ATXN2: variants seen among roughly 807,000 people sequenced by gnomAD.
The protein encoded by ATXN2 is ataxin 2.
Under a neutral mutation model 138.6 loss-of-function variants are expected in ATXN2, and 37 were observed. The observed-to-expected ratio is 0.27, with a 90% CI of 0.21 to 0.35. ATXN2 has a LOEUF of 0.35. Ranked by LOEUF, ATXN2 falls within the 10% of genes least tolerant of loss-of-function variation. The probability of loss-of-function intolerance (pLI) is 1.00; values close to 1 mark genes in which losing one functional copy is unlikely to be tolerated. For synonymous variants in ATXN2, 549 were observed against 543.7 expected (o/e 1.01, Z -0.13); for missense variants, 1,216 against 1,480.3 (o/e 0.82, Z 2.93).
At chr12:111,505,085 G>C (rs953365237) in intron 14 of ATXN2, among the ~76,000 whole-genome samples, 3 of 152,128 alleles carry the variant, frequency 2.0e-5, no homozygotes, top group African/African-American at 7.2e-5. Context: ...GTTATTAATA[G>C]CAAGGTGTGG....
chr12:111,510,026 C>A (rs1381230469), intron 12 of ATXN2, 28 bp from the exon 13 acceptor site: 2 of 1,492,236 alleles, frequency 1.3e-6, no homozygotes, highest in Non-Finnish European at 1.8e-6. Context: ...AAAAAAAATT[C>A]AGATAAGTTA....
At chr12:111,455,320 G>GC in intron 23 of ATXN2, 1 of 541,692 alleles carries the variant, frequency 1.8e-6, no homozygotes, top group Non-Finnish European at 3.3e-6. Flanking sequence ...GCCCTGGAGT[G>GC]CAGGGACCTT....
intron 1 of ATXN2, among the ~76,000 whole-genome samples, chr12:111,580,109 T>C (rs1223466498): frequency 6.6e-6 from 1 of 152,006 alleles, no homozygotes; most frequent in Non-Finnish European, 1.5e-5. Flanking sequence ...CCATCACACC[T>C]AGCCATTTTG....
At chr12:111,597,232 C>A (rs1884981951) in intron 1 of ATXN2, among the ~76,000 whole-genome samples, 1 of 152,314 alleles carries the variant, frequency 6.6e-6, no homozygotes, top group African/African-American at 2.4e-5. Flanking sequence ...CCTTAAAAAC[C>A]AGCTGATTCC....
rs766312283 is a variant in ATXN2 at position 111,552,472 on chromosome 12, A to C, written c.421-42T>G. Reference sequence around the variant, plus strand: ...AAGTAAGTACTCCAAACCTTTACAAAATAAAATTTGTTAGGAATTCTTTAG... The same window carrying C: ...AAGTAAGTACTCCAAACCTTTACAACATAAAATTTGTTAGGAATTCTTTAG... On this transcript the variant is annotated intron_variant, in intron 4 of 24. Coordinates refer to ENST00000673436, the MANE Select transcript of ATXN2 (RefSeq NM_001372574.1). This position sits in a 1 kb window ranked among gnomAD's most constrained non-coding sequence, Gnocchi z 4.1. The C allele has an allele frequency of 2.6e-5, 40 of 1,559,224 alleles. No homozygotes were observed. The African/African-American group carries it at 4.6e-4, about 18-fold the overall frequency.
intron 1 of ATXN2, among the ~76,000 whole-genome samples, chr12:111,589,739 C>A (rs751258496): frequency 2.0e-5 from 3 of 151,778 alleles, no homozygotes; most frequent in Non-Finnish European, 4.4e-5. Context: ...GCCACTGCAC[C>A]CCACCCTAGG....
intron 11 of ATXN2, chr12:111,511,586 C>T (rs1879522083): frequency 6.6e-6 from 1 of 152,114 alleles, no homozygotes; most frequent in African/African-American, 2.4e-5. Context: ...CTGCCTCAGC[C>T]TCCTGAGCAG....
chr12:111,453,442 C>G lies in ATXN2; in HGVS notation c.3439+235G>C, dbSNP rs1488785747. On this transcript the variant is annotated intron_variant, in intron 24 of 24. Coordinates refer to ENST00000673436, the MANE Select transcript of ATXN2 (RefSeq NM_001372574.1). The surrounding 1 kb of genome is among the most constrained non-coding windows in gnomAD (Gnocchi z 5.4). Reference sequence around the variant, plus strand: ...CATCAGGCTGCTGTTGCTGCTGCTGCTGCTTCTCATCAAGCCAAATCCTGT... The same window carrying G: ...CATCAGGCTGCTGTTGCTGCTGCTGGTGCTTCTCATCAAGCCAAATCCTGT... The G allele has an allele frequency of 1.6e-6, 2 of 1,257,118 alleles. No homozygotes were observed. Among genetic ancestry groups the G allele is most frequent in the Non-Finnish European group, 2.0e-6 (2 of 1,001,494 alleles). The allele number at this position is 1,257,118 out of a possible 1,614,324, so 77.9% of individuals were successfully genotyped here. A position where few individuals can be genotyped will look rare whatever the true frequency, so the allele number is the denominator to read the frequency against.
chr12:111,469,417 C>CT (rs1876250251), intron 20 of ATXN2: 1 of 146,614 alleles, frequency 6.8e-6, no homozygotes, highest in South Asian at 2.2e-4. Flanking sequence ...TATTTTGGTA[C>CT]TTTAGACAGC....
At chr12:111,549,474 T>C (rs1408172898) in intron 5 of ATXN2, among the ~76,000 whole-genome samples, 1 of 151,266 alleles carries the variant, frequency 6.6e-6, no homozygotes, top group Non-Finnish European at 1.5e-5. Flanking sequence ...AGGCAGAGGT[T>C]GCAGTGAGCC....
intron 1 of ATXN2, among the ~76,000 whole-genome samples, chr12:111,589,076 A>T (rs1884511770): frequency 7.1e-6 from 1 of 141,466 alleles, no homozygotes; most frequent in Non-Finnish European, 1.5e-5. Flanking sequence ...GCACTTTGGG[A>T]GGACGAGGCG....
chr12:111,543,337 C>T (rs974285108), intron 5 of ATXN2, among the ~76,000 whole-genome samples: 1 of 152,220 alleles, frequency 6.6e-6, no homozygotes, highest in Admixed American at 6.5e-5. Flanking sequence ...CACAACAGCA[C>T]ACCAGAATAA....
rs1457678868 is a variant in ATXN2, at chr12:111,509,960, G to T, written c.1795C>A (p.Pro599Thr). 6.2e-7 allele frequency: 1 copy of T among 1,612,708 alleles called. No individual in the cohort carries two copies. The highest frequency in any genetic ancestry group is 1.3e-5 in the African/African-American group (1 of 74,876). ...TTAATATTTTCTTTATTCCCTGCAGGAGAGTTCTGCCTCTGATCTTGAAGC... is the reference window on the plus strand; with the variant it reads ...TTAATATTTTCTTTATTCCCTGCAGTAGAGTTCTGCCTCTGATCTTGAAGC... Reference protein sequence around the residue: ...SRLQDQRQNSPAGNKENIKPN... With the variant: ...SRLQDQRQNSTAGNKENIKPN... Residue 599 changes from proline (P) to threonine (T), a missense_variant, in exon 13 of 25, where the codon CCT becomes ACT. Physicochemically the swap from Pro to Thr is conservative, Grantham distance 38 (BLOSUM62 -1). Around this residue, in one of 4 missense-constraint regions of ATXN2, gnomAD observed 215 missense variants for 210.0 expected, o/e 1.02. Transcript: ENST00000673436.
chr12:111,528,688 AAT>A (rs1880641285), intron 5 of ATXN2, among the ~76,000 whole-genome samples: 2 of 152,332 alleles, frequency 1.3e-5, no homozygotes, highest in South Asian at 4.1e-4. Flanking sequence ...TTGGTTTTAA[AAT>A]TTCACCAAAA....
At position 111,509,529 on chromosome 12, in the gene ATXN2, T is replaced by A. The variant is rs1409631070; in HGVS notation, c.1935+20A>T. On this transcript the variant is annotated intron_variant, in intron 14 of 24. Coordinates refer to ENST00000673436, the MANE Select transcript of ATXN2 (RefSeq NM_001372574.1). ...GCTTATTTTCTAAAACTCAAATTCA[T>A]CAGTTAGTACAATACTTACCCTAAA... 7.7e-7 allele frequency: 1 copy of A among 1,302,084 alleles called. No individual in the cohort carries two copies. The highest frequency in any genetic ancestry group is 2.5e-5 in the East Asian group (1 of 40,342). The allele number at this position is 1,302,084 out of a possible 1,614,324, so 80.7% of individuals were successfully genotyped here. A position where few individuals can be genotyped will look rare whatever the true frequency, so the allele number is the denominator to read the frequency against.
At chr12:111,522,552 G>A (rs1353782924) in intron 6 of ATXN2, among the ~76,000 whole-genome samples, 2 of 151,684 alleles carry the variant, frequency 1.3e-5, no homozygotes, top group African/African-American at 4.8e-5. Context: ...AGAGCTTGCA[G>A]TGAGCTGAGA....
At chr12:111,473,703 C>G (rs539865141) in intron 18 of ATXN2, among the ~76,000 whole-genome samples, 1 of 151,650 alleles carries the variant, frequency 6.6e-6, no homozygotes, top group Admixed American at 6.6e-5. Flanking sequence ...CTACTCCTAT[C>G]AGGAAAAAGA....
At position 111,598,004 on chromosome 12, in the gene ATXN2, A is replaced by G; in HGVS notation, c.251+780T>C. 8.3e-7 allele frequency: 1 copy of G among 1,197,904 alleles called. No individual in the cohort carries two copies. The highest frequency in any genetic ancestry group is 1.1e-6 in the Non-Finnish European group (1 of 943,596). 74.2% of individuals were successfully genotyped at this position (1,197,904 alleles called of 1,614,324 possible). The stretch of plus-strand genomic sequence containing the variant: ...GCGCGCCGGAGAGGTCTGGCGGGGG[A>G]AGGAGGAAGGCCGGGACGGGGCCGG... On this transcript the variant is annotated intron_variant, in intron 1 of 24. Transcript: ENST00000673436. The surrounding 1 kb of genome is among the most constrained non-coding windows in gnomAD (Gnocchi z 4.5).
intron 1 of ATXN2, among the ~76,000 whole-genome samples, chr12:111,587,361 T>C (rs1232900298): frequency 6.6e-6 from 1 of 152,050 alleles, no homozygotes; most frequent in Admixed American, 6.6e-5. Context: ...AAAACGTCAA[T>C]GAAAAATATT....
Sources: gnomAD v4.1 joint callset for allele counts (sites outside exome capture counted in the v4.1 genomes callset) on GRCh38, gnomAD v4.1.1 for gene constraint, gnomAD v4.1.1 regional missense constraint, Gnocchi (gnomAD v3.1) non-coding constraint, MANE v1.5 for transcripts, NCBI Gene and HGNC (gene_info 2026-07-23, HGNC 2026-07-21) for gene names.